Variants in SLC2A1 observed in about 807,000 individuals in gnomAD.
SLC2A1 encodes the protein solute carrier family 2 member 1.
A neutral mutation model predicts 46.6 loss-of-function variants in SLC2A1; 4 were observed. The observed-to-expected ratio is 0.09, with a 90% CI of 0.04 to 0.20. The LOEUF is 0.20. Ranked by LOEUF, SLC2A1 falls within the 10% of genes least tolerant of loss-of-function variation. SLC2A1 has a pLI of 1.00. For missense variants in SLC2A1, 352 were observed against 667.0 expected (o/e 0.53, Z 5.20); for synonymous variants, 253 against 270.0 (o/e 0.94, Z 0.62).
chr1:42,956,110 T>A (rs1235888626), intron 1 of SLC2A1, among the ~76,000 whole-genome samples: 1 of 151,724 alleles, frequency 6.6e-6, no homozygotes, highest in African/African-American at 2.4e-5. Context: ...AGGGAAGGGC[T>A]TTATTCCAGA....
rs370523758 is a variant in SLC2A1 at position 42,931,201 on chromosome 1, G to A, written c.120C>T (p.Ile40=). 1.7e-5 allele frequency: 28 copies of A among 1,613,628 alleles called. No homozygotes were observed. The highest frequency in any genetic ancestry group is 2.2e-5 in the Non-Finnish European group (26 of 1,179,704). ...CCCATGTCTGGTTGTAGAACTCCTC[G>A]ATCACCTGCAGGGGGAGATGCAGCC... ...TGVINAPQKV[I]EEFYNQTWVH... The change falls in exon 3 of 10, where the codon ATC becomes ATT. Residue 40 remains isoleucine (I), a synonymous_variant. Coordinates refer to ENST00000426263, the MANE Select transcript of SLC2A1 (RefSeq NM_006516.4).
intron 1 of SLC2A1, among the ~76,000 whole-genome samples, chr1:42,951,038 A>C (rs1302251596): frequency 1.3e-5 from 2 of 152,246 alleles, no homozygotes. Context: ...TTCTATGAAT[A>C]AATGATATTG....
At chr1:42,943,477 T>C (rs540780958) in intron 1 of SLC2A1, among the ~76,000 whole-genome samples, 156 bp from the exon 2 acceptor site, 1 of 152,292 alleles carries the variant, frequency 6.6e-6, no homozygotes, top group South Asian at 2.1e-4. Flanking sequence ...TTCCTGACCT[T>C]AGGTGCCCAA....
intron 1 of SLC2A1, among the ~76,000 whole-genome samples, chr1:42,956,438 A>G (rs1218389254): frequency 1.4e-5 from 2 of 141,896 alleles, no homozygotes; most frequent in African/African-American, 5.2e-5. Flanking sequence ...AAAAAACATT[A>G]GCTGGGTGTG....
At chr1:42,933,723 G>A (rs567762088) in intron 2 of SLC2A1, among the ~76,000 whole-genome samples, 3 of 151,100 alleles carry the variant, frequency 2.0e-5, no homozygotes, top group Non-Finnish European at 2.9e-5. Context: ...ATATGGGAAC[G>A]GTCCAGATAA....
At chr1:42,952,476 G>T (rs577228770) in intron 1 of SLC2A1, 5 of 448,708 alleles carry the variant, frequency 1.1e-5, no homozygotes, top group Non-Finnish European at 9.0e-6. Flanking sequence ...AGCCATGACC[G>T]CTGGGACACT....
chr1:42,952,879 A>G (rs962139306), intron 1 of SLC2A1, among the ~76,000 whole-genome samples: 9 of 152,160 alleles, frequency 5.9e-5, no homozygotes, highest in Non-Finnish European at 1.2e-4. Flanking sequence ...CCACTGTGCT[A>G]TGAAACCCAA....
rs1022942846 is a variant in SLC2A1 at position 42,927,978 on chromosome 1, C to G, written c.1075-170G>C. 6.6e-6 allele frequency among the ~76,000 whole-genome samples: 1 copy of G among 152,188 alleles called. No individual in the cohort carries two copies. Among genetic ancestry groups the G allele is most frequent in the Admixed American group, 6.5e-5 (1 of 15,278 alleles). ...TTGGGCCTAAGTTTCCTCATCCGAACAAAATGATTTAAGTCCTGCAGGGTG... is the reference window on the plus strand; with the variant it reads ...TTGGGCCTAAGTTTCCTCATCCGAAGAAAATGATTTAAGTCCTGCAGGGTG... On this transcript the variant is annotated intron_variant, in intron 8 of 9. Transcript: ENST00000426263. The surrounding 1 kb of genome is among the most constrained non-coding windows in gnomAD (Gnocchi z 5.3).
rs74703396 is a variant in SLC2A1 at position 42,934,772 on chromosome 1, G to A, written c.115-3566C>T. On this transcript the variant is annotated intron_variant, in intron 2 of 9. Coordinates refer to ENST00000426263, the MANE Select transcript of SLC2A1 (RefSeq NM_006516.4). ...CTGAACGCTCCCACCTCACATGCCCGTCCCAAGCTTAGGATTTAAACACTT... is the reference window on the plus strand; with the variant it reads ...CTGAACGCTCCCACCTCACATGCCCATCCCAAGCTTAGGATTTAAACACTT... Among the ~76,000 whole-genome samples the A allele has an allele frequency of 4.1e-4, 63 of 152,154 alleles. No individual in the cohort carries two copies. In the East Asian group the frequency reaches 8.5e-3, roughly 21 times the overall value.
rs532032960 is a variant in SLC2A1, at chr1:42,926,736, G to C, written c.*305C>G. Reference sequence around the variant, plus strand: ...CCACCCTCAGGCATGGAACCATTCAGGGTGAAGCCTGGGATGTGGGCACAG... The same window carrying C: ...CCACCCTCAGGCATGGAACCATTCACGGTGAAGCCTGGGATGTGGGCACAG... On this transcript the variant is annotated 3_prime_UTR_variant, in exon 10 of 10. Transcript: ENST00000426263. 35 of 1,389,736 alleles carry C rather than the reference G, an allele frequency of 2.5e-5. No homozygotes were observed. In the African/African-American group the frequency reaches 4.6e-4, roughly 18 times the overall value. The allele number at this position is 1,389,736 out of a possible 1,614,324, so 86.1% of individuals were successfully genotyped here. A position where few individuals can be genotyped will look rare whatever the true frequency, so the allele number is the denominator to read the frequency against.
At chr1:42,948,292 G>C (rs1355866659) in intron 1 of SLC2A1, among the ~76,000 whole-genome samples, 2 of 152,210 alleles carry the variant, frequency 1.3e-5, no homozygotes, top group African/African-American at 4.8e-5. Context: ...ATGTCAGTGT[G>C]TCAGCATTGC....
rs111827942 is a variant in SLC2A1, at chr1:42,943,394, C to T, written c.19-73G>A. On this transcript the variant is annotated intron_variant, in intron 1 of 9. Coordinates refer to ENST00000426263, the MANE Select transcript of SLC2A1 (RefSeq NM_006516.4). ...TACTACAGGGCAGGGCCTGGACTGG[C>T]AAGTTTCTGTGTTCAGATATCTTGC... The T allele has an allele frequency of 1.2e-4, 131 of 1,100,416 alleles. 1 individual carries two copies. The African/African-American group carries it at 1.6e-3, about 13-fold the overall frequency. The allele number at this position is 1,100,416 out of a possible 1,614,324, so 68.2% of individuals were successfully genotyped here.
Position 42,927,457 on chromosome 1 carries a change from A to G in SLC2A1, c.1278+148T>C. On this transcript the variant is annotated intron_variant, in intron 9 of 9. Coordinates refer to ENST00000426263, the MANE Select transcript of SLC2A1 (RefSeq NM_006516.4). This position sits in a 1 kb window ranked among gnomAD's most constrained non-coding sequence, Gnocchi z 5.3. ...GGCTAAGGGGAGAACCCTGGAGTTG[A>G]GGTCAGCATTCTTGGTCATGTGACC... 3 of 863,896 alleles carry G rather than the reference A, an allele frequency of 3.5e-6. No homozygotes were observed. The highest frequency in any genetic ancestry group is 5.7e-6 in the Non-Finnish European group (3 of 525,940). 53.5% of individuals were successfully genotyped at this position (863,896 alleles called of 1,614,324 possible).
At chr1:42,928,162 G>A (rs746231665) in intron 8 of SLC2A1, among the ~76,000 whole-genome samples, 69 of 152,218 alleles carry the variant, frequency 4.5e-4, no homozygotes, top group Admixed American at 3.7e-3. Context: ...GTTCTAAGGC[G>A]TGTGAGGTGC....
chr1:42,945,309 G>A lies in SLC2A1; in HGVS notation c.19-1988C>T, dbSNP rs146557554. Among the ~76,000 whole-genome samples, 395 of 152,204 alleles carry A rather than the reference G, an allele frequency of 2.6e-3. 4 individuals carry two copies. The highest frequency in any genetic ancestry group is 9.1e-3 in the African/African-American group (376 of 41,530). On this transcript the variant is annotated intron_variant, in intron 1 of 9. Transcript: ENST00000426263. ...ATACATAACCTGGGAGTTCGAGGCC[G>A]CAGTGAGCTGTGATCACCCCATGGC...
chr1:42,941,067 C>A (rs1171401174), intron 2 of SLC2A1, among the ~76,000 whole-genome samples: 1 of 152,220 alleles, frequency 6.6e-6, no homozygotes, highest in Non-Finnish European at 1.5e-5. Flanking sequence ...CATTCTTCCT[C>A]TGAGGGTTTG....
At chr1:42,933,394 A>G (rs1161168546) in intron 2 of SLC2A1, among the ~76,000 whole-genome samples, 1 of 152,028 alleles carries the variant, frequency 6.6e-6, no homozygotes, top group African/African-American at 2.4e-5. Context: ...AAACCTTTCG[A>G]GATCCAGGTT....
intron 1 of SLC2A1, among the ~76,000 whole-genome samples, chr1:42,947,697 C>T (rs958117940): frequency 4.0e-5 from 6 of 150,518 alleles, no homozygotes; most frequent in East Asian, 2.0e-4. Flanking sequence ...ACTCCAGCCT[C>T]GGCAACAGAG....
rs1440232771 is a variant in SLC2A1 at position 42,927,953 on chromosome 1, T to G, written c.1075-145A>C. Reference sequence around the variant, plus strand: ...TCCTGGATTTGTTGTGTATCCAGCATTGGGCCTAAGTTTCCTCATCCGAAC... The same window carrying G: ...TCCTGGATTTGTTGTGTATCCAGCAGTGGGCCTAAGTTTCCTCATCCGAAC... On this transcript the variant is annotated intron_variant, in intron 8 of 9. Transcript: ENST00000426263. The surrounding 1 kb of genome is among the most constrained non-coding windows in gnomAD (Gnocchi z 5.3). 1.4e-6 allele frequency: 1 copy of G among 724,782 alleles called. No individual in the cohort carries two copies. The highest frequency in any genetic ancestry group is 1.7e-5 in the African/African-American group (1 of 57,440). 44.9% of individuals were successfully genotyped at this position (724,782 alleles called of 1,614,324 possible). A position where few individuals can be genotyped will look rare whatever the true frequency, so the allele number is the denominator to read the frequency against.
Sources: allele counts gnomAD v4.1 joint callset (sites outside exome capture counted in the v4.1 genomes callset), GRCh38; gene constraint gnomAD v4.1.1; non-coding constraint Gnocchi (gnomAD v3.1); transcripts MANE v1.5; gene names NCBI Gene and HGNC (gene_info 2026-07-23, HGNC 2026-07-21).